LRP1B: variants seen among roughly 807,000 people sequenced by gnomAD.
LRP1B encodes low-density lipoprotein receptor-related protein 1B.
LRP1B carries 217 observed loss-of-function variants against 556.6 expected under a neutral mutation model. The ratio of observed to expected loss-of-function variants is 0.39; its 90% CI spans 0.35 to 0.44. The LOEUF is 0.44. Among genes scored for constraint, LRP1B ranks in the 20% least tolerant of loss-of-function variants. The pLI is 1.00. For synonymous variants in LRP1B, 2,047 were observed against 1,865.8 expected, an observed-to-expected ratio of 1.10 and a Z score of -2.50; for missense variants, 5,053 against 5,620.8, an observed-to-expected ratio of 0.90 and a Z score of 3.23.
chr2:141,508,941 T>G (rs866807008), intron 2 of LRP1B, among the ~76,000 whole-genome samples: 7 of 152,132 alleles, frequency 4.6e-5, no homozygotes, highest in Admixed American at 6.6e-5. Context: ...TGGAATCAAC[T>G]TCCCCCTGAG....
chr2:141,008,163 T>A (rs1697633852), intron 14 of LRP1B, among the ~76,000 whole-genome samples: 1 of 151,388 alleles, frequency 6.6e-6, no homozygotes, highest in South Asian at 2.1e-4. Flanking sequence ...GTGCTAAAAA[T>A]TTTTATACCT....
intron 2 of LRP1B, among the ~76,000 whole-genome samples, chr2:141,645,635 A>G (rs1215848478): frequency 6.6e-6 from 1 of 151,874 alleles, no homozygotes; most frequent in Non-Finnish European, 1.5e-5. Context: ...CAGCATCAAC[A>G]TGTTTTTTTT....
chr2:140,359,712 C>T (rs1048398570), intron 72 of LRP1B, among the ~76,000 whole-genome samples: 2 of 151,594 alleles, frequency 1.3e-5, no homozygotes, highest in Non-Finnish European at 3.0e-5. Flanking sequence ...TGATTTACTA[C>T]ATCCTGAAGA....
intron 3 of LRP1B, among the ~76,000 whole-genome samples, chr2:141,477,881 C>G (rs150983902): frequency 5.3e-5 from 8 of 152,028 alleles, no homozygotes; most frequent in African/African-American, 1.7e-4. Flanking sequence ...TTTTAAAACA[C>G]TTTATTTGGT....
intron 21 of LRP1B, among the ~76,000 whole-genome samples, chr2:140,915,256 T>TTA (rs1245071599): frequency 6.6e-6 from 1 of 151,748 alleles, no homozygotes; most frequent in Admixed American, 6.6e-5. Context: ...CTAAATATAG[T>TTA]TATATAGAGA....
intron 41 of LRP1B, among the ~76,000 whole-genome samples, chr2:140,633,701 C>T (rs1195664814): frequency 6.6e-6 from 1 of 151,958 alleles, no homozygotes; most frequent in Non-Finnish European, 1.5e-5. Flanking sequence ...TATTTAGTCC[C>T]ATAAATTTTG....
chr2:140,654,866 G>A (rs1684820756), intron 41 of LRP1B, among the ~76,000 whole-genome samples: 2 of 152,146 alleles, frequency 1.3e-5, no homozygotes, highest in South Asian at 2.1e-4. Context: ...CTCTATGCTA[G>A]TTTGTCATGT....
intron 1 of LRP1B, among the ~76,000 whole-genome samples, chr2:141,869,654 G>A (rs924599155): frequency 2.6e-5 from 4 of 152,066 alleles, no homozygotes; most frequent in East Asian, 3.8e-4. Context: ...CTTCAGGCAC[G>A]CTACCAGTTA....
chr2:141,073,354 G>C (rs944003464), intron 7 of LRP1B, among the ~76,000 whole-genome samples: 2 of 151,532 alleles, frequency 1.3e-5, no homozygotes, highest in African/African-American at 4.8e-5. Context: ...CTCCTTTTTG[G>C]CATTTTTTTT....
At chr2:141,291,886 A>C (rs1456979458) in intron 3 of LRP1B, among the ~76,000 whole-genome samples, 4 of 141,976 alleles carry the variant, frequency 2.8e-5, no homozygotes, top group Middle Eastern at 3.6e-3. Flanking sequence ...AAAAAAAAAA[A>C]AAAACTTGTT....
chr2:140,335,141 A>G (rs1681010202), intron 78 of LRP1B, among the ~76,000 whole-genome samples: 2 of 151,926 alleles, frequency 1.3e-5, no homozygotes, highest in South Asian at 4.1e-4. Context: ...CTCTAACTAA[A>G]AGAAGGAAAT....
At chr2:141,860,003 A>G (rs948496389) in intron 1 of LRP1B, among the ~76,000 whole-genome samples, 3 of 152,150 alleles carry the variant, frequency 2.0e-5, no homozygotes, top group Non-Finnish European at 4.4e-5. Flanking sequence ...GTTCATTTTC[A>G]TAAAAAACAA....
At chr2:141,304,353 A>G (rs1271949712) in intron 3 of LRP1B, among the ~76,000 whole-genome samples, 1 of 151,962 alleles carries the variant, frequency 6.6e-6, no homozygotes, top group Non-Finnish European at 1.5e-5. Context: ...CAACGTATTG[A>G]AGTCTTACCG....
chr2:141,205,268 A>T (rs985126526), intron 6 of LRP1B, among the ~76,000 whole-genome samples: 2 of 152,190 alleles, frequency 1.3e-5, no homozygotes, highest in African/African-American at 4.8e-5. Flanking sequence ...TATGAGTTCA[A>T]AAAAGAATTG....
chr2:141,111,475 C>T (rs989649056), intron 7 of LRP1B, among the ~76,000 whole-genome samples: 4 of 152,104 alleles, frequency 2.6e-5, no homozygotes, highest in Non-Finnish European at 4.4e-5. Flanking sequence ...TTTAGGTGGA[C>T]AGTAAGGAAA....
rs561448262 is a variant in LRP1B, at chr2:140,935,937, TAC to T, written c.3137-12792_3137-12791del. 5.3e-5 allele frequency among the ~76,000 whole-genome samples: 8 copies of T among 151,838 alleles called. No homozygotes were observed. In the South Asian group the frequency reaches 6.2e-4, roughly 12 times the overall value. On this transcript the variant is annotated intron_variant, in intron 20 of 90. Transcript: ENST00000389484. ...ATGTGTGATATGTTAAGTGTATATA[TAC>T]ACACACACATATACATACATATACC...
At chr2:141,134,183 C>A (rs1701433605) in intron 7 of LRP1B, among the ~76,000 whole-genome samples, 1 of 151,690 alleles carries the variant, frequency 6.6e-6, no homozygotes, top group Admixed American at 6.6e-5. Context: ...CTGCTTGGCT[C>A]CTCATCTACC....
At chr2:141,518,891 A>G (rs965136742) in intron 2 of LRP1B, among the ~76,000 whole-genome samples, 1 of 152,164 alleles carries the variant, frequency 6.6e-6, no homozygotes, top group Admixed American at 6.5e-5. Flanking sequence ...CGGAGGCTGC[A>G]GTGAGCTGAG....
chr2:141,462,312 A>C (rs1259761548), intron 3 of LRP1B, among the ~76,000 whole-genome samples: 9 of 152,186 alleles, frequency 5.9e-5, no homozygotes, highest in Admixed American at 1.3e-4. Flanking sequence ...CTGAGCATTT[A>C]TTTGATCTTT....
Sources: gnomAD v4.1 joint callset for allele counts (sites outside exome capture counted in the v4.1 genomes callset) on GRCh38, gnomAD v4.1.1 for gene constraint, MANE v1.5 for transcripts, NCBI Gene and HGNC (gene_info 2026-07-23, HGNC 2026-07-21) for gene names.